Variants in JARID2 observed in about 807,000 individuals in gnomAD.
The protein encoded by JARID2 is jumonji and AT-rich interaction domain containing 2, also known as protein Jumonji.
Under a neutral mutation model 125.6 loss-of-function variants are expected in JARID2, and 21 were observed. The observed-to-expected ratio is 0.17, with a 90% CI of 0.12 to 0.24. The LOEUF is 0.24. JARID2 is among the 10% of genes least tolerant of loss of function. The pLI is 1.00. For missense variants in JARID2, 1,303 were observed against 1,639.6 expected, an observed-to-expected ratio of 0.79 and a Z score of 3.55; for synonymous variants, 736 against 661.6, an observed-to-expected ratio of 1.11 and a Z score of -1.73.
At chr6:15,419,378 T>G (rs1766383378) in intron 3 of JARID2, among the ~76,000 whole-genome samples, 1 of 152,210 alleles carries the variant, frequency 6.6e-6, no homozygotes, top group South Asian at 2.1e-4. Context: ...ACAAAAGATG[T>G]GGAAGTAAAT....
intron 12 of JARID2, chr6:15,509,124 C>T (rs764732468): frequency 1.6e-6 from 2 of 1,288,888 alleles, no homozygotes; most frequent in Non-Finnish European, 2.0e-6. Flanking sequence ...ATCTGACTCT[C>T]ACTGTAGCCA....
At chr6:15,270,374 C>G (rs1760249805) in intron 1 of JARID2, among the ~76,000 whole-genome samples, 1 of 152,140 alleles carries the variant, frequency 6.6e-6, no homozygotes, top group South Asian at 2.1e-4. Context: ...TCAGGTGATC[C>G]ACCCGCCTTG....
chr6:15,469,950 G>T (rs1421285478), intron 5 of JARID2, among the ~76,000 whole-genome samples: 1 of 151,988 alleles, frequency 6.6e-6, no homozygotes, highest in Non-Finnish European at 1.5e-5. Context: ...AGGCTGAGGT[G>T]GGCAGATCAC....
chr6:15,457,249 A>G (rs552578206), intron 4 of JARID2, among the ~76,000 whole-genome samples: 1 of 152,306 alleles, frequency 6.6e-6, no homozygotes, highest in East Asian at 1.9e-4. Flanking sequence ...CCTTTTTGAT[A>G]TCCACTGCTA....
intron 1 of JARID2, among the ~76,000 whole-genome samples, chr6:15,293,504 G>T (rs1000113313): frequency 6.6e-6 from 1 of 152,240 alleles, no homozygotes; most frequent in East Asian, 1.9e-4. Context: ...GTAAATGTTT[G>T]TGATAAGGCC....
intron 3 of JARID2, among the ~76,000 whole-genome samples, chr6:15,426,878 A>G (rs1012004074): frequency 2.6e-5 from 4 of 152,194 alleles, no homozygotes; most frequent in Admixed American, 6.5e-5. Flanking sequence ...ATACATTTAC[A>G]TTGTTTAAGT....
intron 1 of JARID2, among the ~76,000 whole-genome samples, chr6:15,313,380 G>A (rs1762078682): frequency 6.6e-6 from 1 of 152,112 alleles, no homozygotes; most frequent in Non-Finnish European, 1.5e-5. Flanking sequence ...GGGTAGCCTG[G>A]GTTCATAGTC....
intron 1 of JARID2, among the ~76,000 whole-genome samples, chr6:15,293,937 G>A (rs181773714): frequency 6.2e-4 from 94 of 152,226 alleles, no homozygotes; most frequent in South Asian, 1.7e-3. Context: ...GCCTGCTCCG[G>A]AAGTTGATCT....
At chr6:15,359,756 G>T (rs1763727249) in intron 1 of JARID2, among the ~76,000 whole-genome samples, 2 of 151,334 alleles carry the variant, frequency 1.3e-5, no homozygotes, top group Admixed American at 1.3e-4. Flanking sequence ...AGGCTGGATT[G>T]CAGTGGCACA....
At chr6:15,267,394 C>A (rs1760128279) in intron 1 of JARID2, among the ~76,000 whole-genome samples, 1 of 152,132 alleles carries the variant, frequency 6.6e-6, no homozygotes, top group African/African-American at 2.4e-5. Flanking sequence ...AGGAAAGGAT[C>A]CTGAAGCCTA....
At chr6:15,448,993 CAGAT>C (rs935188717) in intron 3 of JARID2, among the ~76,000 whole-genome samples, 9 of 151,496 alleles carry the variant, frequency 5.9e-5, no homozygotes, top group African/African-American at 1.7e-4. Context: ...ACATTTGTAA[CAGAT>C]GGAAAATTTA....
chr6:15,317,864 G>T (rs1011865403), intron 1 of JARID2, among the ~76,000 whole-genome samples: 1 of 152,120 alleles, frequency 6.6e-6, no homozygotes, highest in Admixed American at 6.6e-5. Flanking sequence ...TACCAGACCC[G>T]CTCCCACAAA....
intron 1 of JARID2, among the ~76,000 whole-genome samples, chr6:15,337,187 C>T (rs1246218472): frequency 6.6e-6 from 1 of 152,184 alleles, no homozygotes; most frequent in Non-Finnish European, 1.5e-5. Flanking sequence ...AACCCCCAGA[C>T]CTTGTCTCTT....
intron 2 of JARID2, among the ~76,000 whole-genome samples, chr6:15,405,477 C>T (rs1765612269): frequency 1.3e-5 from 2 of 152,216 alleles, no homozygotes; most frequent in Non-Finnish European, 2.9e-5. Flanking sequence ...GCTGCCTTTA[C>T]TGCAATGATT....
intron 6 of JARID2, among the ~76,000 whole-genome samples, chr6:15,490,694 G>T (rs1770109602): frequency 1.3e-5 from 2 of 152,244 alleles, no homozygotes; most frequent in Non-Finnish European, 2.9e-5. Context: ...GGAGCAAATG[G>T]TGTTTTTCTG....
At chr6:15,447,995 G>C (rs1224864748) in intron 3 of JARID2, among the ~76,000 whole-genome samples, 1 of 152,216 alleles carries the variant, frequency 6.6e-6, no homozygotes, top group Non-Finnish European at 1.5e-5. Flanking sequence ...GGATTTGGCT[G>C]TGCCATTCAA....
chr6:15,424,936 A>G (rs1402235873), intron 3 of JARID2, among the ~76,000 whole-genome samples: 1 of 152,132 alleles, frequency 6.6e-6, no homozygotes, highest in Admixed American at 6.5e-5. Flanking sequence ...GTCCACTTCC[A>G]CTGTTTTACA....
At chr6:15,400,128 G>C (rs1765368248) in intron 2 of JARID2, among the ~76,000 whole-genome samples, 1 of 152,156 alleles carries the variant, frequency 6.6e-6, no homozygotes. Context: ...AACAATGAGA[G>C]AAAACAGCTT....
intron 1 of JARID2, among the ~76,000 whole-genome samples, chr6:15,285,106 G>GT (rs199945772): frequency 0.11 from 13,316 of 119,222 alleles, 974 homozygotes; most frequent in East Asian, 0.17. Context: ...GTCTTTCTGG[G>GT]TTTTTTTTTT....
Sources: gnomAD v4.1 joint callset for allele counts (sites outside exome capture counted in the v4.1 genomes callset) on GRCh38, gnomAD v4.1.1 for gene constraint, MANE v1.5 for transcripts, NCBI Gene and HGNC (gene_info 2026-07-23, HGNC 2026-07-21) for gene names.